Variants in ZNF423 observed in about 807,000 individuals in gnomAD.
ZNF423 encodes zinc finger protein 423, also known as Ebf-associated zinc finger protein.
A neutral mutation model predicts 95.8 loss-of-function variants in ZNF423; 12 were observed. The observed-to-expected ratio is 0.13, with a 90% confidence interval of 0.08 to 0.20. ZNF423 has a LOEUF of 0.20. Among genes scored for constraint, ZNF423 ranks in the 10% least tolerant of loss-of-function variants. ZNF423 has a pLI of 1.00. For missense variants in ZNF423, 1,316 were observed against 1,737.1 expected, an observed-to-expected ratio of 0.76 and a Z score of 4.31; for synonymous variants, 749 against 711.9, an observed-to-expected ratio of 1.05 and a Z score of -0.83.
At chr16:49,671,219 T>G (rs1370132803) in intron 3 of ZNF423, among the ~76,000 whole-genome samples, 1 of 152,198 alleles carries the variant, frequency 6.6e-6, no homozygotes, top group African/African-American at 2.4e-5. Context: ...GGCAGTGCCC[T>G]CCAACACAAG....
chr16:49,623,038 C>T (rs1368573743), intron 5 of ZNF423, among the ~76,000 whole-genome samples: 3 of 152,024 alleles, frequency 2.0e-5, no homozygotes, highest in Non-Finnish European at 4.4e-5. Context: ...TGATGAGGCT[C>T]GGGGAGGGCA....
chr16:49,740,916 C>T (rs1428524937), intron 2 of ZNF423, among the ~76,000 whole-genome samples: 3 of 152,190 alleles, frequency 2.0e-5, no homozygotes, highest in Non-Finnish European at 4.4e-5. Flanking sequence ...ACTTCCAATT[C>T]CTTTGTATCT....
At chr16:49,725,866 T>C (rs9932931) in intron 3 of ZNF423, among the ~76,000 whole-genome samples, 4,458 of 152,286 alleles carry the variant, frequency 0.029, 220 homozygotes, top group African/African-American at 0.1. Context: ...GCCACCTCTC[T>C]AGGGCCCGCC....
intron 5 of ZNF423, among the ~76,000 whole-genome samples, chr16:49,602,957 A>G (rs1267185254): frequency 6.6e-6 from 1 of 152,216 alleles, no homozygotes; most frequent in Non-Finnish European, 1.5e-5. Context: ...AGCACCGAGG[A>G]GCGGAAGCTT....
At chr16:49,856,390 G>C (rs2035370467), upstream of ZNF423, among the ~76,000 whole-genome samples, 4 of 147,196 alleles carry the variant, frequency 2.7e-5, no homozygotes, top group South Asian at 8.8e-4. Context: ...AGGAGACCGG[G>C]AGGCGGTCGG....
Position 49,488,324 on chromosome 16 carries a change from C to G in ZNF423, c.*2951G>C, listed in dbSNP as rs1966874425. ...CACTGAGACTGAAACCCTTACCTGC[C>G]TGCTTCTGGGCACTCTGGGCAGGTG... On this transcript the variant is annotated 3_prime_UTR_variant, in exon 8 of 8. Transcript: ENST00000563137. 6.6e-6 allele frequency: 1 copy of G among 152,208 alleles called. No homozygotes were observed. Among genetic ancestry groups the G allele is most frequent in the Non-Finnish European group, 1.5e-5 (1 of 68,046 alleles). 9.4% of individuals were successfully genotyped at this position (152,208 alleles called of 1,614,324 possible). A position where few individuals can be genotyped will look rare whatever the true frequency, so the allele number is the denominator to read the frequency against.
intron 3 of ZNF423, among the ~76,000 whole-genome samples, chr16:49,720,129 A>G (rs1467276587): frequency 3.9e-5 from 6 of 152,220 alleles, no homozygotes; most frequent in Admixed American, 2.0e-4. Flanking sequence ...GCAGAGGTTC[A>G]GGGGGACCAT....
At chr16:49,536,432 G>A (rs1435721696) in intron 5 of ZNF423, among the ~76,000 whole-genome samples, 1 of 126,806 alleles carries the variant, frequency 7.9e-6, no homozygotes, top group Non-Finnish European at 1.6e-5. Context: ...TTTCTGGGTG[G>A]TTTTTTTTTT....
Position 49,643,169 on chromosome 16 carries a change from T to G in ZNF423, c.302-4295A>C, listed in dbSNP as rs145499154. The stretch of plus-strand genomic sequence containing the variant: ...ATGACACTTTCCTCATGCTGGATGC[T>G]GGACACCACACACACACCTGCAACT... On this transcript the variant is annotated intron_variant, in intron 3 of 7. Coordinates refer to ENST00000563137, the MANE Select transcript of ZNF423 (RefSeq NM_001379286.1). Among the ~76,000 whole-genome samples, 288 of 152,244 alleles carry G rather than the reference T, an allele frequency of 1.9e-3. 1 individual carries two copies. Among genetic ancestry groups the G allele is most frequent in the African/African-American group, 6.6e-3 (276 of 41,540 alleles).
At chr16:49,557,137 G>A (rs561916515) in intron 5 of ZNF423, among the ~76,000 whole-genome samples, 5 of 152,340 alleles carry the variant, frequency 3.3e-5, no homozygotes, top group South Asian at 2.1e-4. Context: ...CGATGTTGGC[G>A]GCCTAGAGAG....
chr16:49,769,871 G>A (rs1412823474), intron 2 of ZNF423, among the ~76,000 whole-genome samples: 2 of 151,760 alleles, frequency 1.3e-5, no homozygotes, highest in Admixed American at 6.6e-5. Flanking sequence ...CCACAGTGGG[G>A]AACGCCTGGG....
intron 7 of ZNF423, among the ~76,000 whole-genome samples, chr16:49,495,245 TCTC>T (rs1232016023): frequency 6.6e-6 from 1 of 152,154 alleles, no homozygotes; most frequent in Non-Finnish European, 1.5e-5. Context: ...GCTCGTGTGC[TCTC>T]CTGGATGGAG....
At chr16:49,656,783 ATTTT>A (rs1312796065) in intron 3 of ZNF423, among the ~76,000 whole-genome samples, 3 of 152,036 alleles carry the variant, frequency 2.0e-5, no homozygotes, top group African/African-American at 7.2e-5. Flanking sequence ...GTCTCATTTT[ATTTT>A]TTGTCTCCAA....
chr16:49,531,421 C>T (rs918083400), intron 5 of ZNF423, among the ~76,000 whole-genome samples: 2 of 151,952 alleles, frequency 1.3e-5, no homozygotes, highest in South Asian at 2.1e-4. Flanking sequence ...TGCCAGGAGG[C>T]AAGAGGGTGA....
At chr16:49,765,706 C>T (rs775411457) in intron 2 of ZNF423, among the ~76,000 whole-genome samples, 108 of 152,132 alleles carry the variant, frequency 7.1e-4, no homozygotes, top group Middle Eastern at 3.4e-3. Flanking sequence ...GACAACAGAA[C>T]GAGACCCTAC....
At chr16:49,601,516 A>G (rs907370758) in intron 5 of ZNF423, among the ~76,000 whole-genome samples, 2 of 152,328 alleles carry the variant, frequency 1.3e-5, no homozygotes, top group Middle Eastern at 3.4e-3. Context: ...CCTTACTCCA[A>G]TTCAGCCCTG....
chr16:49,571,609 C>A (rs1970356881), intron 5 of ZNF423, among the ~76,000 whole-genome samples: 1 of 152,138 alleles, frequency 6.6e-6, no homozygotes, highest in Admixed American at 6.5e-5. Flanking sequence ...TACCTAAGGA[C>A]AATGGGAGCG....
intron 4 of ZNF423, among the ~76,000 whole-genome samples, chr16:49,629,215 G>T (rs960908925): frequency 6.6e-6 from 1 of 152,096 alleles, no homozygotes; most frequent in Admixed American, 6.5e-5. Context: ...ACCTACCTGT[G>T]TCTTTATATT....
chr16:49,699,145 T>A (rs1204978878), intron 3 of ZNF423, among the ~76,000 whole-genome samples: 2 of 152,144 alleles, frequency 1.3e-5, no homozygotes, highest in Non-Finnish European at 2.9e-5. Context: ...GCTATTAGTG[T>A]TACAAAGGGA....
Sources: allele counts gnomAD v4.1 joint callset (sites outside exome capture counted in the v4.1 genomes callset), GRCh38; gene constraint gnomAD v4.1.1; transcripts MANE v1.5; gene names NCBI Gene and HGNC (gene_info 2026-07-23, HGNC 2026-07-21).